Variants in EMCN observed in about 807,000 individuals in gnomAD.
The protein encoded by EMCN is endomucin.
In EMCN, 37 loss-of-function variants were observed where a neutral mutation model predicts 38.4. The observed-to-expected ratio is 0.96, with a 90% CI of 0.74 to 1.27. The LOEUF (loss-of-function observed/expected upper bound fraction) is 1.27. Among genes scored for constraint, EMCN ranks in the 50% most tolerant of loss-of-function variants. The pLI, the probability that EMCN is intolerant of heterozygous loss-of-function variation, is 0.00. For synonymous variants in EMCN, 95 were observed against 100.8 expected (o/e 0.94, Z 0.35); for missense variants, 318 against 302.8 (o/e 1.05, Z -0.37).
chr4:100,416,017 G>GTCAC, intron 9 of EMCN, 58 bp from the exon 10 acceptor site: 2 of 1,146,346 alleles, frequency 1.7e-6, no homozygotes, highest in Non-Finnish European at 2.5e-6. Flanking sequence ...GTATGTTTGT[G>GTCAC]AAAGTATTGT....
intron 6 of EMCN, 61 bp downstream of exon 6, chr4:100,423,251 G>A (rs943573929): frequency 1.3e-5 from 19 of 1,410,214 alleles, no homozygotes; most frequent in South Asian, 2.3e-5. Context: ...AGATTGTTAG[G>A]GTTTCAGTCA....
Position 100,441,750 on chromosome 4 carries a change from C to A in EMCN, c.415+5783G>T, listed in dbSNP as rs140008603. 5.7e-3 allele frequency among the ~76,000 whole-genome samples: 872 copies of A among 152,246 alleles called. 7 individuals carry two copies. Among genetic ancestry groups the A allele is most frequent in the African/African-American group, 0.02 (832 of 41,554 alleles). ...TTTTAAGCAGATAATAACTTAAATT[C>A]TGTTGCATACAAAAACTCTATACAT... On this transcript the variant is annotated intron_variant, in intron 5 of 11. Coordinates refer to ENST00000296420, the MANE Select transcript of EMCN (RefSeq NM_016242.4).
At chr4:100,481,992 T>A (rs1160353127) in intron 1 of EMCN, among the ~76,000 whole-genome samples, 1 of 151,930 alleles carries the variant, frequency 6.6e-6, no homozygotes, top group Non-Finnish European at 1.5e-5. Flanking sequence ...ATTGAGCAAC[T>A]ACTTATGTAA....
chr4:100,426,912 G>T (rs770002644), intron 5 of EMCN, among the ~76,000 whole-genome samples: 1 of 152,026 alleles, frequency 6.6e-6, no homozygotes, highest in Non-Finnish European at 1.5e-5. Context: ...TCAGAGTGAA[G>T]CTCTAAAGGG....
chr4:100,413,128 C>T (rs1756258465), intron 10 of EMCN, among the ~76,000 whole-genome samples: 1 of 152,132 alleles, frequency 6.6e-6, no homozygotes, highest in African/African-American at 2.4e-5. Flanking sequence ...ATTTTTATGA[C>T]CACTGAAGCT....
intron 5 of EMCN, among the ~76,000 whole-genome samples, chr4:100,439,449 T>G (rs1367836513): frequency 1.3e-5 from 2 of 151,780 alleles, no homozygotes; most frequent in South Asian, 4.1e-4. Flanking sequence ...TTCGTAGTAG[T>G]CTTAACGATC....
At chr4:100,491,757 A>G (rs1004269628) in intron 1 of EMCN, among the ~76,000 whole-genome samples, 8 of 152,224 alleles carry the variant, frequency 5.3e-5, no homozygotes, top group African/African-American at 1.9e-4. Context: ...CTTGCCACAT[A>G]GCAGAGCCCA....
intron 1 of EMCN, among the ~76,000 whole-genome samples, chr4:100,512,358 G>C (rs192666086): frequency 2.2e-4 from 33 of 152,240 alleles, no homozygotes; most frequent in Non-Finnish European, 1.5e-4. Context: ...GTTTCCCATG[G>C]TGTGCAATGG....
At chr4:100,481,684 C>T (rs1427499090) in intron 1 of EMCN, among the ~76,000 whole-genome samples, 1 of 151,996 alleles carries the variant, frequency 6.6e-6, no homozygotes, top group Non-Finnish European at 1.5e-5. Flanking sequence ...TGATGTAACA[C>T]TAATTTTAAA....
At chr4:100,442,195 A>G (rs1234019357) in intron 5 of EMCN, among the ~76,000 whole-genome samples, 9 of 152,180 alleles carry the variant, frequency 5.9e-5, no homozygotes, top group Non-Finnish European at 1.2e-4. Context: ...TTGTTCTTTC[A>G]GCTCTTTAAA....
intron 8 of EMCN, among the ~76,000 whole-genome samples, chr4:100,419,539 A>G (rs950997767): frequency 3.2e-4 from 48 of 152,278 alleles, no homozygotes; most frequent in African/African-American, 1.1e-3. Flanking sequence ...TTCAAATAAT[A>G]CATTCTTAAA....
intron 3 of EMCN, among the ~76,000 whole-genome samples, chr4:100,470,223 C>A (rs1369337760): frequency 2.0e-5 from 3 of 151,838 alleles, no homozygotes; most frequent in Non-Finnish European, 2.9e-5. Flanking sequence ...ATAACATGGG[C>A]AAAGGACATG....
chr4:100,466,607 G>T (rs913894705), intron 3 of EMCN, among the ~76,000 whole-genome samples: 7 of 152,220 alleles, frequency 4.6e-5, no homozygotes, highest in Non-Finnish European at 8.8e-5. Context: ...CTGCATATGA[G>T]AGAGAATGAC....
At chr4:100,421,238 T>A in intron 8 of EMCN, 44 bp downstream of exon 8, 1 of 1,491,436 alleles carries the variant, frequency 6.7e-7, no homozygotes, top group Non-Finnish European at 9.3e-7. Flanking sequence ...AAACTGAGCA[T>A]TCATTCTTCT....
At chr4:100,444,482 T>G (rs899592014) in intron 5 of EMCN, among the ~76,000 whole-genome samples, 3 of 152,082 alleles carry the variant, frequency 2.0e-5, no homozygotes, top group Non-Finnish European at 4.4e-5. Context: ...CTGCCTCATC[T>G]ATGGCATTGA....
At chr4:100,412,993 C>G (rs1004416422) in intron 10 of EMCN, among the ~76,000 whole-genome samples, 6 of 152,110 alleles carry the variant, frequency 3.9e-5, no homozygotes, top group African/African-American at 1.4e-4. Flanking sequence ...GATTTGGCAT[C>G]CCTTGGCATT....
At chr4:100,427,450 TCTC>T (rs1169670100) in intron 5 of EMCN, among the ~76,000 whole-genome samples, 9 of 130,504 alleles carry the variant, frequency 6.9e-5, no homozygotes, top group Admixed American at 5.0e-4. Flanking sequence ...TTTCTCTCTC[TCTC>T]TTTTTTTTTT....
intron 8 of EMCN, among the ~76,000 whole-genome samples, chr4:100,417,750 AGAGT>A (rs1726776261): frequency 6.6e-6 from 1 of 152,188 alleles, no homozygotes; most frequent in Non-Finnish European, 1.5e-5. Flanking sequence ...CCTGGGGTTT[AGAGT>A]GAGAACTCAG....
At chr4:100,415,783 G>T in intron 10 of EMCN, 115 bp downstream of exon 10, 1 of 635,650 alleles carries the variant, frequency 1.6e-6, no homozygotes, top group South Asian at 2.0e-5. Context: ...ACAGTAATTG[G>T]CTATTTCTAA....
Sources: gnomAD v4.1 joint callset for allele counts (sites outside exome capture counted in the v4.1 genomes callset) on GRCh38, gnomAD v4.1.1 for gene constraint, MANE v1.5 for transcripts, NCBI Gene and HGNC (gene_info 2026-07-23, HGNC 2026-07-21) for gene names.